Variants in PRICKLE2 observed in about 807,000 individuals in gnomAD.
PRICKLE2 encodes the protein prickle-like protein 2.
A neutral mutation model predicts 81.4 loss-of-function variants in PRICKLE2; 21 were observed. The observed-to-expected ratio is 0.26, with a 90% CI of 0.18 to 0.37. The LOEUF (loss-of-function observed/expected upper bound fraction) is 0.37, where lower values mean the gene tolerates loss of function less well. Among genes scored for constraint, PRICKLE2 ranks in the 10% least tolerant of loss-of-function variants. The pLI is 1.00. For missense variants in PRICKLE2, 940 were observed against 1,109.0 expected (o/e 0.85, Z 2.16); for synonymous variants, 456 against 421.5 (o/e 1.08, Z -1.00).
intron 7 of PRICKLE2, among the ~76,000 whole-genome samples, chr3:64,127,639 T>C (rs1342109446): frequency 1.3e-5 from 2 of 152,028 alleles, no homozygotes; most frequent in African/African-American, 4.8e-5. Flanking sequence ...TGGGGAGCTC[T>C]TCTGCCTCCC....
intron 2 of PRICKLE2, among the ~76,000 whole-genome samples, chr3:64,244,621 TG>T (rs368734939): frequency 0.42 from 64,118 of 151,266 alleles, 14,728 homozygotes; most frequent in Non-Finnish European, 0.5. Context: ...TGTGTGTGTG[TG>T]TGTGTGTGTG....
At chr3:64,180,718 A>G (rs1008885538) in intron 2 of PRICKLE2, among the ~76,000 whole-genome samples, 3 of 152,088 alleles carry the variant, frequency 2.0e-5, no homozygotes, top group African/African-American at 7.2e-5. Context: ...TTTTTAGTAG[A>G]GACGGGGTTT....
Position 64,133,602 on chromosome 3 carries a change from G to A in PRICKLE2, c.1660+13228C>T, listed in dbSNP as rs148769961. ...TTGATACTGGGGTGGGGGGCCAGGG[G>A]GATCAGTGCAGGAAGGCTGAGCTCT... On this transcript the variant is annotated intron_variant, in intron 7 of 7. Coordinates refer to ENST00000638394, the MANE Select transcript of PRICKLE2 (RefSeq NM_198859.4). 5.3e-5 allele frequency among the ~76,000 whole-genome samples: 8 copies of A among 152,122 alleles called. No individual in the cohort carries two copies. The East Asian group carries it at 1.4e-3, about 26-fold the overall frequency.
chr3:64,171,037 T>C (rs184776257), intron 2 of PRICKLE2, among the ~76,000 whole-genome samples: 2 of 152,288 alleles, frequency 1.3e-5, no homozygotes, highest in African/African-American at 4.8e-5. Context: ...TCTTACCATA[T>C]TCCTTTTGTT....
chr3:64,247,117 G>T (rs1435123606), intron 2 of PRICKLE2, among the ~76,000 whole-genome samples: 1 of 152,152 alleles, frequency 6.6e-6, no homozygotes, highest in African/African-American at 2.4e-5. Flanking sequence ...GCAACTGGCC[G>T]AGCTGCCCCT....
At chr3:64,161,239 C>T (rs532701732) in intron 3 of PRICKLE2, among the ~76,000 whole-genome samples, 1 of 151,164 alleles carries the variant, frequency 6.6e-6, no homozygotes, top group South Asian at 2.1e-4. Flanking sequence ...TATGTGGTTT[C>T]GTTTCATTTA....
chr3:64,180,660 G>A (rs929009820), intron 2 of PRICKLE2, among the ~76,000 whole-genome samples: 5 of 152,054 alleles, frequency 3.3e-5, no homozygotes, highest in Non-Finnish European at 7.4e-5. Context: ...AGCCTCCTGA[G>A]TAGCTGGGAT....
intron 6 of PRICKLE2, among the ~76,000 whole-genome samples, chr3:64,151,321 T>C (rs888406): frequency 0.28 from 42,710 of 152,176 alleles, 6,732 homozygotes; most frequent in East Asian, 0.4. Context: ...CAGGCCACCA[T>C]GGTCACCTTT....
intron 7 of PRICKLE2, among the ~76,000 whole-genome samples, chr3:64,109,157 G>A (rs181729581): frequency 7.9e-5 from 12 of 152,272 alleles, no homozygotes; most frequent in Admixed American, 6.5e-4. Flanking sequence ...TCGTCACGAT[G>A]GGGGTTGCCG....
chr3:64,096,768 A>G lies in PRICKLE2; in HGVS notation c.*2283T>C, dbSNP rs576367337. 1.3e-5 allele frequency: 2 copies of G among 152,636 alleles called. No homozygotes were observed. Among genetic ancestry groups the G allele is most frequent in the East Asian group, 3.9e-4 (2 of 5,184 alleles). The allele number at this position is 152,636 out of a possible 1,614,324, so 9.5% of individuals were successfully genotyped here. A position where few individuals can be genotyped will look rare whatever the true frequency, so the allele number is the denominator to read the frequency against. ...TGAAGCTTTCTTTGAGAAAGGTAAGAGGTATTCTGAGAAAAACAGAGTTAG... is the reference window on the plus strand; with the variant it reads ...TGAAGCTTTCTTTGAGAAAGGTAAGGGGTATTCTGAGAAAAACAGAGTTAG... On this transcript the variant is annotated 3_prime_UTR_variant, in exon 8 of 8. Coordinates refer to ENST00000638394, the MANE Select transcript of PRICKLE2 (RefSeq NM_198859.4).
At chr3:64,185,410 A>G (rs554448119) in intron 2 of PRICKLE2, among the ~76,000 whole-genome samples, 2 of 152,232 alleles carry the variant, frequency 1.3e-5, no homozygotes, top group Non-Finnish European at 2.9e-5. Context: ...AGTAATGGCA[A>G]AAACAGCAAT....
At chr3:64,232,515 T>C (rs561979890) in intron 2 of PRICKLE2, among the ~76,000 whole-genome samples, 1 of 143,636 alleles carries the variant, frequency 7.0e-6, no homozygotes, top group Admixed American at 7.0e-5. Context: ...GATGCCACAT[T>C]CTCCTGCTTT....
chr3:64,139,833 G>A (rs1381242143), intron 7 of PRICKLE2, among the ~76,000 whole-genome samples: 5 of 152,170 alleles, frequency 3.3e-5, no homozygotes, highest in African/African-American at 1.2e-4. Context: ...TGCTCCTGCT[G>A]CCTAGAATGA....
intron 1 of PRICKLE2, among the ~76,000 whole-genome samples, chr3:64,222,348 G>A (rs777915866): frequency 2.0e-5 from 3 of 152,146 alleles, no homozygotes; most frequent in Admixed American, 6.5e-5. Flanking sequence ...TCCCAGTTCC[G>A]AGTTTCTTGG....
chr3:64,165,374 T>C (rs1282090375), intron 2 of PRICKLE2, among the ~76,000 whole-genome samples: 2 of 152,168 alleles, frequency 1.3e-5, no homozygotes, highest in African/African-American at 4.8e-5. Flanking sequence ...CTGAGCAAGT[T>C]ATGTGGCTGT....
chr3:64,204,601 C>T (rs1015574121), intron 1 of PRICKLE2, among the ~76,000 whole-genome samples: 2 of 151,712 alleles, frequency 1.3e-5, no homozygotes, highest in Non-Finnish European at 2.9e-5. Flanking sequence ...CTCACACACA[C>T]GCAAAAGCAA....
chr3:64,179,136 G>A (rs530973814), intron 2 of PRICKLE2, among the ~76,000 whole-genome samples: 5 of 151,502 alleles, frequency 3.3e-5, no homozygotes, highest in African/African-American at 1.2e-4. Flanking sequence ...GAATGCAATG[G>A]CACGATCTCG....
chr3:64,237,715 T>C (rs934160933), intron 2 of PRICKLE2, among the ~76,000 whole-genome samples: 3 of 152,094 alleles, frequency 2.0e-5, no homozygotes, highest in Non-Finnish European at 4.4e-5. Flanking sequence ...GGGTAGGGCT[T>C]CACCGGGGGG....
At chr3:64,169,048 G>T (rs1038883670) in intron 2 of PRICKLE2, among the ~76,000 whole-genome samples, 2 of 151,990 alleles carry the variant, frequency 1.3e-5, no homozygotes, top group African/African-American at 4.8e-5. Context: ...ACTCAGCTAA[G>T]AATAATATTT....
Sources: allele counts gnomAD v4.1 joint callset (sites outside exome capture counted in the v4.1 genomes callset), GRCh38; gene constraint gnomAD v4.1.1; transcripts MANE v1.5; gene names NCBI Gene and HGNC (gene_info 2026-07-23, HGNC 2026-07-21).